ESRRG: variants seen among roughly 807,000 people sequenced by gnomAD.
The protein encoded by ESRRG is estrogen-related receptor gamma.
Under a neutral mutation model 44.0 loss-of-function variants are expected in ESRRG, and 13 were observed. The observed-to-expected ratio is 0.30, with a 90% confidence interval of 0.19 to 0.47. The LOEUF (loss-of-function observed/expected upper bound fraction) is 0.47. Ranked by LOEUF, ESRRG falls within the 20% of genes least tolerant of loss-of-function variation. The probability of loss-of-function intolerance (pLI) is 1.00; values close to 1 mark genes in which losing one functional copy is unlikely to be tolerated. For missense variants in ESRRG, 395 were observed against 580.6 expected, an observed-to-expected ratio of 0.68 and a Z score of 3.29; for synonymous variants, 215 against 214.6, an observed-to-expected ratio of 1.00 and a Z score of -0.02.
At chr1:216,522,516 A>G (rs1458104350) in intron 5 of ESRRG, among the ~76,000 whole-genome samples, 1 of 152,026 alleles carries the variant, frequency 6.6e-6, no homozygotes, top group Non-Finnish European at 1.5e-5. Flanking sequence ...CACCACTGCA[A>G]TCTGGAAGCT....
chr1:217,072,472 G>T (rs936858194), intron 1 of ESRRG, among the ~76,000 whole-genome samples: 1 of 152,046 alleles, frequency 6.6e-6, no homozygotes, highest in Non-Finnish European at 1.5e-5. Flanking sequence ...ACTGGAATAG[G>T]CATTTTAAAT....
At chr1:217,074,674 C>A (rs934077403) in intron 1 of ESRRG, among the ~76,000 whole-genome samples, 2 of 152,048 alleles carry the variant, frequency 1.3e-5, no homozygotes, top group Non-Finnish European at 2.9e-5. Flanking sequence ...GCCATGTCTA[C>A]AAAACATTTA....
intron 3 of ESRRG, among the ~76,000 whole-genome samples, chr1:216,626,625 T>C (rs1189798978): frequency 2.0e-5 from 3 of 152,238 alleles, no homozygotes; most frequent in Non-Finnish European, 4.4e-5. Flanking sequence ...GTCCCTGTCC[T>C]AGTCCAGCAA....
At chr1:216,907,873 A>G (rs2059862087) in intron 2 of ESRRG, among the ~76,000 whole-genome samples, 1 of 152,208 alleles carries the variant, frequency 6.6e-6, no homozygotes, top group African/African-American at 2.4e-5. Flanking sequence ...ACCCTTTCTG[A>G]GTCCCCTGTG....
At position 216,775,933 on chromosome 1, in the gene ESRRG, G is replaced by A. The variant is rs188395595; in HGVS notation, c.-13-98442C>T. Among the ~76,000 whole-genome samples, 176 of 151,746 alleles carry A rather than the reference G, an allele frequency of 1.2e-3. 1 individual carries two copies. Among genetic ancestry groups the A allele is most frequent in the African/African-American group, 3.4e-3 (142 of 41,384 alleles). On this transcript the variant is annotated intron_variant, in intron 2 of 7. Coordinates refer to the ESRRG transcript ENST00000359162. ...TTTACCCATTGCCATTGTCTTAATT[G>A]AAGCTACTCTTTCCTCTCACCAACA...
intron 1 of ESRRG, among the ~76,000 whole-genome samples, chr1:216,949,571 A>C (rs546838684): frequency 6.6e-6 from 1 of 152,260 alleles, no homozygotes; most frequent in Admixed American, 6.5e-5. Flanking sequence ...TGAGATCATA[A>C]GTGTTACCTA....
intron 1 of ESRRG, among the ~76,000 whole-genome samples, chr1:216,717,637 A>G (rs961534053): frequency 1.2e-4 from 18 of 151,882 alleles, no homozygotes; most frequent in African/African-American, 4.3e-4. Flanking sequence ...TTAGAATAGA[A>G]AAAGCAATTG....
At chr1:216,634,693 C>CTCCA (rs1169944568) in intron 3 of ESRRG, among the ~76,000 whole-genome samples, 6 of 152,170 alleles carry the variant, frequency 3.9e-5, no homozygotes, top group Non-Finnish European at 8.8e-5. Context: ...GGGGGACAGT[C>CTCCA]TCCACCTCAC....
chr1:216,575,967 A>C (rs1481191467), intron 3 of ESRRG, among the ~76,000 whole-genome samples: 1 of 152,106 alleles, frequency 6.6e-6, no homozygotes, highest in Non-Finnish European at 1.5e-5. Flanking sequence ...GTTCACAGCT[A>C]TGAGATTGTG....
chr1:217,032,172 C>A (rs961971147), intron 1 of ESRRG, among the ~76,000 whole-genome samples: 1 of 152,118 alleles, frequency 6.6e-6, no homozygotes, highest in Non-Finnish European at 1.5e-5. Context: ...AATAGAAATA[C>A]CTTCTTTAAC....
intron 1 of ESRRG, among the ~76,000 whole-genome samples, chr1:217,029,813 A>G (rs1276149877): frequency 6.6e-6 from 1 of 152,224 alleles, no homozygotes; most frequent in Non-Finnish European, 1.5e-5. Flanking sequence ...AAAAGGAGTC[A>G]GGTCCAAAAA....
intron 2 of ESRRG, among the ~76,000 whole-genome samples, chr1:216,748,906 G>A (rs528237323): frequency 4.7e-4 from 72 of 152,250 alleles, no homozygotes; most frequent in Non-Finnish European, 7.8e-4. Context: ...CAGAGCTGGG[G>A]AGGGGCCCAT....
rs2094016617 is a variant in ESRRG at position 216,783,688 on chromosome 1, T to A, written c.-13-106197A>T. Among the ~76,000 whole-genome samples, 12 of 152,032 alleles carry A rather than the reference T, an allele frequency of 7.9e-5. No individual in the cohort carries two copies. The South Asian group carries it at 2.5e-3, about 32-fold the overall frequency. On this transcript the variant is annotated intron_variant, in intron 2 of 7. Transcript: ENST00000359162. ...CAAATTCCTGAAGGAATTCAAGTCCTCCTAGGACCCTTTCTTGGACCGTGA... is the reference window on the plus strand; with the variant it reads ...CAAATTCCTGAAGGAATTCAAGTCCACCTAGGACCCTTTCTTGGACCGTGA...
chr1:216,520,582 A>T (rs2045786046), intron 5 of ESRRG, among the ~76,000 whole-genome samples: 1 of 152,154 alleles, frequency 6.6e-6, no homozygotes. Flanking sequence ...ATACCTGATG[A>T]TCAGAAGCTT....
intron 3 of ESRRG, among the ~76,000 whole-genome samples, chr1:216,575,257 A>G (rs1250169203): frequency 6.6e-6 from 1 of 152,162 alleles, no homozygotes; most frequent in Non-Finnish European, 1.5e-5. Flanking sequence ...TGAGGATCAT[A>G]TAAGATAATT....
chr1:217,057,842 C>T (rs2087458296), intron 1 of ESRRG, among the ~76,000 whole-genome samples: 1 of 152,218 alleles, frequency 6.6e-6, no homozygotes, highest in South Asian at 2.1e-4. Flanking sequence ...TTAGCTCCAT[C>T]GGCTATCATT....
chr1:216,772,788 A>G (rs1559574816), intron 2 of ESRRG, among the ~76,000 whole-genome samples: 1 of 151,932 alleles, frequency 6.6e-6, no homozygotes, highest in East Asian at 1.9e-4. Context: ...ACCCACTGTC[A>G]GATTACCCAA....
At chr1:216,949,695 G>A (rs1177746663) in intron 1 of ESRRG, among the ~76,000 whole-genome samples, 1 of 152,058 alleles carries the variant, frequency 6.6e-6, no homozygotes, top group African/African-American at 2.4e-5. Context: ...GCTTGTCTCT[G>A]TCATCTTCTA....
intron 3 of ESRRG, among the ~76,000 whole-genome samples, chr1:216,619,883 C>T (rs1221146226): frequency 1.3e-5 from 2 of 152,130 alleles, no homozygotes; most frequent in Non-Finnish European, 2.9e-5. Context: ...AAAATGTTTT[C>T]AAACTAATAT....
Sources: allele counts gnomAD v4.1 joint callset (sites outside exome capture counted in the v4.1 genomes callset), GRCh38; gene constraint gnomAD v4.1.1; transcripts MANE v1.5; gene names NCBI Gene and HGNC (gene_info 2026-07-23, HGNC 2026-07-21).